ME1: variants seen among roughly 807,000 people sequenced by gnomAD.
The protein encoded by ME1 is malic enzyme 1.
Under a neutral mutation model 66.4 loss-of-function variants are expected in ME1, and 74 were observed. The observed-to-expected ratio is 1.11, with a 90% CI of 0.92 to 1.35. The LOEUF (loss-of-function observed/expected upper bound fraction) is 1.35, where lower values mean the gene tolerates loss of function less well. Ranked by LOEUF, ME1 falls within the 40% of genes most tolerant of loss-of-function variation. The probability of loss-of-function intolerance (pLI) is 0.00; values close to 1 mark genes in which losing one functional copy is unlikely to be tolerated. For missense variants in ME1, 750 were observed against 694.1 expected (o/e 1.08, Z -0.90); for synonymous variants, 251 against 235.6 (o/e 1.07, Z -0.60).
chr6:83,318,153 A>C (rs1458033596), intron 5 of ME1, among the ~76,000 whole-genome samples: 3 of 149,194 alleles, frequency 2.0e-5, no homozygotes, highest in Admixed American at 6.7e-5. Flanking sequence ...AAATCAATTC[A>C]AGATGGATTA....
At chr6:83,393,241 A>G in intron 3 of ME1, 1 of 1,150,288 alleles carries the variant, frequency 8.7e-7, no homozygotes, top group Non-Finnish European at 1.3e-6. Context: ...TCTGAGCACC[A>G]GGTGGTCTCC....
At position 83,344,417 on chromosome 6, in the gene ME1, T is replaced by C. The variant is rs575047421; in HGVS notation, c.600+1756A>G. ...TTTTTGTGATTTTTAAAATTTGATT[T>C]CAATGTAAACAAAAAAGTAGCTGGC... is the stretch of plus-strand genomic sequence containing the variant. On this transcript the variant is annotated intron_variant, in intron 5 of 13. Coordinates refer to ENST00000369705, the MANE Select transcript of ME1 (RefSeq NM_002395.6). Among the ~76,000 whole-genome samples, 8 of 152,242 alleles carry C rather than the reference T, an allele frequency of 5.3e-5. No individual in the cohort carries two copies. In the East Asian group the frequency reaches 1.5e-3, roughly 29 times the overall value.
At chr6:83,304,443 A>T (rs982923903) in intron 6 of ME1, among the ~76,000 whole-genome samples, 1 of 152,208 alleles carries the variant, frequency 6.6e-6, no homozygotes, top group Admixed American at 6.5e-5. Flanking sequence ...GCTCAGTAGG[A>T]TGAGCCTTTC....
At chr6:83,273,820 C>T (rs190728966) in intron 6 of ME1, among the ~76,000 whole-genome samples, 204 of 152,254 alleles carry the variant, frequency 1.3e-3, no homozygotes, top group African/African-American at 4.8e-3. Flanking sequence ...TTCTGCCAAG[C>T]CTTTCTAACT....
chr6:83,305,968 C>T (rs576064850), intron 6 of ME1, among the ~76,000 whole-genome samples: 10 of 152,192 alleles, frequency 6.6e-5, no homozygotes, highest in Non-Finnish European at 1.2e-4. Context: ...AAGTAAATTG[C>T]TTTCACATGT....
chr6:83,357,818 C>T (rs1429852827), intron 3 of ME1, among the ~76,000 whole-genome samples: 2 of 150,626 alleles, frequency 1.3e-5, no homozygotes, highest in Non-Finnish European at 3.0e-5. Flanking sequence ...CTTTGGAACT[C>T]GGACTGGCTC....
At position 83,237,276 on chromosome 6, in the gene ME1, A is replaced by AAAGAAAGAAAGAAAGAAAGAAAGGAAGG. The variant is rs754296141; in HGVS notation, c.1026+440_1026+441insCCTTCCTTTCTTTCTTTCTTTCTTTCTT. 8.1e-5 allele frequency among the ~76,000 whole-genome samples: 6 copies of AAAGAAAGAAAGAAAGAAAGAAAGGAAGG among 73,690 alleles called. 1 individual carries two copies. The highest frequency in any genetic ancestry group is 2.4e-4 in the African/African-American group (4 of 16,876). The allele number at this position is 73,690 out of a possible 152,430, so 48.3% of individuals were successfully genotyped here. ...GAAAGAAAGAAAGAAAGAAAGAAAGAAAGGAAGGAAGGAAGGAAAGAAAGA... is the reference window on the plus strand; with the variant it reads ...GAAAGAAAGAAAGAAAGAAAGAAAGAAAGAAAGAAAGAAAGAAAGAAAGGAAGGAAGGAAGGAAGGAAGGAAAGAAAGA... On this transcript the variant is annotated intron_variant, in intron 9 of 13. Transcript: ENST00000369705.
intron 6 of ME1, among the ~76,000 whole-genome samples, chr6:83,278,839 C>A (rs1220901918): frequency 6.6e-6 from 1 of 152,080 alleles, no homozygotes; most frequent in African/African-American, 2.4e-5. Flanking sequence ...TTTACCAGAT[C>A]CTAACTTAAT....
intron 2 of ME1, among the ~76,000 whole-genome samples, chr6:83,399,534 G>T (rs969916204): frequency 6.6e-6 from 1 of 152,168 alleles, no homozygotes; most frequent in Non-Finnish European, 1.5e-5. Context: ...CAGGAAATAA[G>T]TAAGAGAATG....
chr6:83,274,070 A>T (rs927387491), intron 6 of ME1, among the ~76,000 whole-genome samples: 1 of 152,190 alleles, frequency 6.6e-6, no homozygotes, highest in African/African-American at 2.4e-5. Flanking sequence ...TGATGTGCTA[A>T]TACTCAAATA....
chr6:83,322,287 A>C (rs1240236380), intron 5 of ME1, among the ~76,000 whole-genome samples: 1 of 152,142 alleles, frequency 6.6e-6, no homozygotes, highest in East Asian at 1.9e-4. Flanking sequence ...AGGGAATAAA[A>C]CTGGATGGAG....
chr6:83,258,190 T>C (rs558691381), intron 6 of ME1, among the ~76,000 whole-genome samples: 13 of 152,268 alleles, frequency 8.5e-5, no homozygotes, highest in Non-Finnish European at 1.6e-4. Context: ...ACAGGATACC[T>C]TATCATTTAC....
At chr6:83,286,790 A>G (rs1583358002) in intron 6 of ME1, among the ~76,000 whole-genome samples, 1 of 152,172 alleles carries the variant, frequency 6.6e-6, no homozygotes, top group African/African-American at 2.4e-5. Context: ...AAGAATGTAT[A>G]TTTATATTAA....
At chr6:83,374,578 TG>T (rs1461759707) in intron 3 of ME1, among the ~76,000 whole-genome samples, 2 of 152,254 alleles carry the variant, frequency 1.3e-5, no homozygotes, top group African/African-American at 4.8e-5. Context: ...TTTCTTTTGC[TG>T]TGCAGAAGCT....
chr6:83,263,608 C>T (rs1289937003), intron 6 of ME1, among the ~76,000 whole-genome samples: 1 of 152,054 alleles, frequency 6.6e-6, no homozygotes, highest in Non-Finnish European at 1.5e-5. Context: ...CACAACATTT[C>T]CTTAAGCCAA....
chr6:83,315,388 A>G lies in ME1; in HGVS notation c.626T>C (p.Ile209Thr). 1.9e-6 allele frequency: 3 copies of G among 1,606,352 alleles called. No homozygotes were observed. Among genetic ancestry groups the G allele is most frequent in the Non-Finnish European group, 2.6e-6 (3 of 1,176,258 alleles). ...NEELLKDPLY[I>T]GLRQRRVRGS... is the part of the protein sequence containing the mutation. ...TCTTACTCTTCTCTGCCGTAGTCCA[A>G]TGTAGAGTGGATCTTTAAGTAACTC... Residue 209 changes from isoleucine (I) to threonine (T), a missense_variant, in exon 6 of 14, where the codon ATT (isoleucine) becomes ACT (threonine). Coordinates refer to ENST00000369705, the MANE Select transcript of ME1 (RefSeq NM_002395.6).
At chr6:83,234,249 T>C (rs1407119231) in intron 9 of ME1, among the ~76,000 whole-genome samples, 1 of 152,220 alleles carries the variant, frequency 6.6e-6, no homozygotes, top group Non-Finnish European at 1.5e-5. Context: ...TTTGGACTTT[T>C]GAATATTTTA....
At chr6:83,242,302 C>A (rs1156971260) in intron 7 of ME1, among the ~76,000 whole-genome samples, 1 of 152,170 alleles carries the variant, frequency 6.6e-6, no homozygotes, top group African/African-American at 2.4e-5. Flanking sequence ...ATAAAAGTCT[C>A]ACCTTTTATC....
intron 6 of ME1, among the ~76,000 whole-genome samples, chr6:83,308,917 G>T (rs1175381701): frequency 6.6e-6 from 1 of 152,072 alleles, no homozygotes; most frequent in Non-Finnish European, 1.5e-5. Flanking sequence ...GTTAAAGGAG[G>T]TGAGAGAGCT....
Sources: allele counts gnomAD v4.1 joint callset (sites outside exome capture counted in the v4.1 genomes callset), GRCh38; gene constraint gnomAD v4.1.1; transcripts MANE v1.5; gene names NCBI Gene and HGNC (gene_info 2026-07-23, HGNC 2026-07-21).